Variants in PRDM16 observed in about 807,000 individuals in gnomAD.
PRDM16 encodes PR/SET domain 16, also known as histone-lysine N-methyltransferase PRDM16.
In PRDM16, 23 loss-of-function variants were observed where a neutral mutation model predicts 110.6. The ratio of observed to expected loss-of-function variants is 0.21; its 90% CI spans 0.15 to 0.29. PRDM16 has a LOEUF of 0.29. PRDM16 is among the 10% of genes least tolerant of loss of function. The probability of loss-of-function intolerance (pLI) is 1.00; values close to 1 mark genes in which losing one functional copy is unlikely to be tolerated. For missense variants in PRDM16, 1,615 were observed against 1,794.3 expected, an observed-to-expected ratio of 0.90 and a Z score of 1.81; for synonymous variants, 799 against 781.8, an observed-to-expected ratio of 1.02 and a Z score of -0.37.
rs759191119 is a variant in PRDM16 at position 3,430,975 on chromosome 1, G to A, written c.3388G>A (p.Asp1130Asn). The A allele has an allele frequency of 6.2e-7, 1 of 1,610,866 alleles. No homozygotes were observed. The highest frequency in any genetic ancestry group is 1.1e-5 in the South Asian group (1 of 90,572). The change falls in exon 15 of 17, where the codon GAT (aspartate) becomes AAT (asparagine). Residue 1130 changes from aspartate to asparagine, a missense_variant. Around this residue, in one of 5 missense-constraint regions of PRDM16, gnomAD observed 327 missense variants for 359.3 expected, o/e 0.91. Transcript: ENST00000270722. ...EEDDDDLEED[D>N]EDSLAGKSQD... Reference sequence around the variant, plus strand: ...GGACGACGATGACCTGGAGGAGGACGATGAGGACAGCCTGGCCGGGAAGTC... The same window carrying A: ...GGACGACGATGACCTGGAGGAGGACAATGAGGACAGCCTGGCCGGGAAGTC...
intron 1 of PRDM16, among the ~76,000 whole-genome samples, chr1:3,124,693 T>C (rs1008349994): frequency 1.3e-5 from 2 of 152,214 alleles, no homozygotes; most frequent in African/African-American, 2.4e-5. Flanking sequence ...CAGGTGTATC[T>C]GGGCTTGCAT....
intron 1 of PRDM16, among the ~76,000 whole-genome samples, chr1:3,114,552 A>C (rs1045317403): frequency 5.9e-5 from 9 of 151,624 alleles, no homozygotes; most frequent in Non-Finnish European, 1.3e-4. Context: ...GAACACACAC[A>C]CGTGCACAAA....
chr1:3,231,098 A>G (rs571456873), intron 2 of PRDM16, among the ~76,000 whole-genome samples: 111 of 152,202 alleles, frequency 7.3e-4, no homozygotes, highest in African/African-American at 2.5e-3. Context: ...TGTGCCTCCA[A>G]TGTAAAAGTC....
At chr1:3,090,352 C>G (rs1180043949) in intron 1 of PRDM16, among the ~76,000 whole-genome samples, 1 of 152,256 alleles carries the variant, frequency 6.6e-6, no homozygotes, top group Admixed American at 6.5e-5. Context: ...GGCACTGGAG[C>G]TGGTCTCGTG....
intron 1 of PRDM16, among the ~76,000 whole-genome samples, chr1:3,106,079 G>A (rs750867393): frequency 3.3e-5 from 5 of 152,178 alleles, no homozygotes; most frequent in Non-Finnish European, 5.9e-5. Flanking sequence ...GCTGGGGCCC[G>A]TCTCACCCTC....
At position 3,070,722 on chromosome 1, in the gene PRDM16, C is replaced by T. The variant is rs879439347; in HGVS notation, c.37+1426C>T. On this transcript the variant is annotated intron_variant, in intron 1 of 16. Coordinates refer to ENST00000270722, the MANE Select transcript of PRDM16 (RefSeq NM_022114.4). ...CTCGCGGCGGTTTTCCGAAGCTCCG[C>T]TCCCTCGGCTCGGGGCCCGCCCGGC... 1.1e-3 allele frequency among the ~76,000 whole-genome samples: 160 copies of T among 152,278 alleles called. 1 individual carries two copies. Among genetic ancestry groups the T allele is most frequent in the South Asian group, 2.3e-3 (11 of 4,832 alleles).
chr1:3,137,360 C>T (rs537048945), intron 1 of PRDM16, among the ~76,000 whole-genome samples: 1 of 152,344 alleles, frequency 6.6e-6, no homozygotes, highest in South Asian at 2.1e-4. Context: ...AATGTGGTGT[C>T]TCCCTCCTTC....
chr1:3,362,924 G>C (rs1196822375), intron 3 of PRDM16, among the ~76,000 whole-genome samples: 7 of 152,306 alleles, frequency 4.6e-5, no homozygotes. Flanking sequence ...ACACAGGAAC[G>C]AGCCCTCTTT....
At chr1:3,114,179 A>ACACACGCACACACG (rs1553127231) in intron 1 of PRDM16, among the ~76,000 whole-genome samples, 4 of 70,064 alleles carry the variant, frequency 5.7e-5, no homozygotes, top group African/African-American at 2.0e-4. Context: ...ACACACGCAC[A>ACACACGCACACACG]CACACGCACA....
chr1:3,406,347 G>A (rs1643561731), intron 8 of PRDM16, among the ~76,000 whole-genome samples: 1 of 152,116 alleles, frequency 6.6e-6, no homozygotes, highest in Non-Finnish European at 1.5e-5. Flanking sequence ...CAAGGAGAGT[G>A]AGCCCTGGGC....
intron 1 of PRDM16, among the ~76,000 whole-genome samples, chr1:3,161,885 A>AGG (rs1643900489): frequency 6.6e-6 from 1 of 152,212 alleles, no homozygotes; most frequent in Admixed American, 6.5e-5. Context: ...GCTTCCCTAA[A>AGG]GATGTTTAAC....
chr1:3,324,293 G>T (rs796987458), intron 3 of PRDM16, among the ~76,000 whole-genome samples: 7 of 152,192 alleles, frequency 4.6e-5, no homozygotes, highest in African/African-American at 1.7e-4. Context: ...CCAGCCTGCC[G>T]GGCTCACTCT....
chr1:3,353,071 G>A lies in PRDM16; in HGVS notation c.439-32081G>A, dbSNP rs1239448171. Among the ~76,000 whole-genome samples the A allele has an allele frequency of 6.6e-6, 1 of 152,186 alleles. No homozygotes were observed. Reference sequence around the variant, plus strand: ...CAGGCCTGGGGCTCTGGAGCCAGAAGTCAGGAAAGGGAGGCTGCAGCCGCA... The same window carrying A: ...CAGGCCTGGGGCTCTGGAGCCAGAAATCAGGAAAGGGAGGCTGCAGCCGCA... On this transcript the variant is annotated intron_variant, in intron 3 of 16. Coordinates refer to ENST00000270722, the MANE Select transcript of PRDM16 (RefSeq NM_022114.4). The surrounding 1 kb of genome is among the most constrained non-coding windows in gnomAD (Gnocchi z 5.4).
At chr1:3,368,402 A>G (rs898015351) in intron 3 of PRDM16, among the ~76,000 whole-genome samples, 1 of 152,198 alleles carries the variant, frequency 6.6e-6, no homozygotes, top group Non-Finnish European at 1.5e-5. Context: ...CCGGGCAGGA[A>G]GACACCGTAG....
intron 1 of PRDM16, among the ~76,000 whole-genome samples, chr1:3,180,293 C>T (rs1644134978): frequency 6.6e-6 from 1 of 151,876 alleles, no homozygotes; most frequent in African/African-American, 2.4e-5. Flanking sequence ...AACTCACAGG[C>T]CTGAAGTAAT....
At position 3,104,661 on chromosome 1, in the gene PRDM16, G is replaced by C. The variant is rs976952805; in HGVS notation, c.37+35365G>C. 9.2e-5 allele frequency among the ~76,000 whole-genome samples: 14 copies of C among 152,272 alleles called. No individual in the cohort carries two copies. The East Asian group carries it at 9.7e-4, about 11-fold the overall frequency. The stretch of plus-strand genomic sequence containing the variant: ...CCTTCTGCCCCCTTCATTCAGAGCT[G>C]CAGCCACTTTGTCACCCTGGCAGGC... On this transcript the variant is annotated intron_variant, in intron 1 of 16. Coordinates refer to ENST00000270722, the MANE Select transcript of PRDM16 (RefSeq NM_022114.4).
chr1:3,119,957 G>A (rs987251332), intron 1 of PRDM16, among the ~76,000 whole-genome samples: 1 of 142,040 alleles, frequency 7.0e-6, no homozygotes, highest in African/African-American at 2.8e-5. Flanking sequence ...TTCTTGGAGG[G>A]GGGAGAGAGG....
chr1:3,337,601 G>A (rs1252050592), intron 3 of PRDM16, among the ~76,000 whole-genome samples: 2 of 152,202 alleles, frequency 1.3e-5, no homozygotes, highest in East Asian at 1.9e-4. Context: ...AGGTGCAGAG[G>A]AAGGCTGCTT....
chr1:3,207,006 T>TG (rs1462328601), intron 2 of PRDM16: 4 of 152,172 alleles, frequency 2.6e-5, no homozygotes, highest in Admixed American at 6.5e-5. Flanking sequence ...CACATGGACC[T>TG]GCTTCCAGGA....
Sources: gnomAD v4.1 joint callset for allele counts (sites outside exome capture counted in the v4.1 genomes callset) on GRCh38, gnomAD v4.1.1 for gene constraint, gnomAD v4.1.1 regional missense constraint, Gnocchi (gnomAD v3.1) non-coding constraint, MANE v1.5 for transcripts, NCBI Gene and HGNC (gene_info 2026-07-23, HGNC 2026-07-21) for gene names.